Variants in SLIT2 observed in about 807,000 individuals in gnomAD.
The protein encoded by SLIT2 is slit homolog 2 protein.
SLIT2 carries 41 observed loss-of-function variants against 185.7 expected under a neutral mutation model. The ratio of observed to expected loss-of-function variants is 0.22; its 90% CI spans 0.17 to 0.29. SLIT2 has a LOEUF of 0.29. SLIT2 is among the 10% of genes least tolerant of loss of function. SLIT2 has a pLI of 1.00. For missense variants in SLIT2, 1,571 were observed against 1,909.0 expected (o/e 0.82, Z 3.30); for synonymous variants, 693 against 680.2 (o/e 1.02, Z -0.29).
intron 4 of SLIT2, among the ~76,000 whole-genome samples, chr4:20,344,734 A>G (rs1482965386): frequency 6.6e-6 from 1 of 152,208 alleles, no homozygotes; most frequent in African/African-American, 2.4e-5. Flanking sequence ...ACTTAGTCAA[A>G]TATAAGAACT....
chr4:20,468,325 C>T (rs1346633433), intron 5 of SLIT2, among the ~76,000 whole-genome samples: 2 of 152,046 alleles, frequency 1.3e-5, no homozygotes, highest in Non-Finnish European at 2.9e-5. Context: ...AGAGCTACAG[C>T]TTTTTCCAGA....
rs941415305 is a variant in SLIT2, at chr4:20,551,225, T to C, written c.2561+327T>C. 2.6e-5 allele frequency among the ~76,000 whole-genome samples: 4 copies of C among 152,212 alleles called. No homozygotes were observed. In the East Asian group the frequency reaches 7.7e-4, roughly 29 times the overall value. ...TAGAACATCAGCTCCCTTTTAATTA[T>C]CTATCCTAACCCTGCTTTTCTAAGT... On this transcript the variant is annotated intron_variant, in intron 25 of 36. Transcript: ENST00000504154.
intron 21 of SLIT2, among the ~76,000 whole-genome samples, chr4:20,543,871 G>T (rs918156850): frequency 5.3e-5 from 8 of 152,168 alleles, no homozygotes; most frequent in African/African-American, 1.4e-4. Context: ...ATATGTATAT[G>T]TGTGTAATTA....
intron 26 of SLIT2, among the ~76,000 whole-genome samples, chr4:20,561,677 G>T (rs1289453251): frequency 6.6e-6 from 1 of 151,514 alleles, no homozygotes; most frequent in Non-Finnish European, 1.5e-5. Context: ...TACATTTTCA[G>T]ATTTAGTATT....
At chr4:20,406,515 GA>G (rs1726787475) in intron 4 of SLIT2, among the ~76,000 whole-genome samples, 1 of 143,704 alleles carries the variant, frequency 7.0e-6, no homozygotes, top group Non-Finnish European at 1.6e-5. Context: ...CACTCAAAAT[GA>G]GAATATACAA....
chr4:20,610,272 C>A (rs1729112892), intron 34 of SLIT2, 105 bp downstream of exon 34: 5 of 908,760 alleles, frequency 5.5e-6, no homozygotes, highest in Non-Finnish European at 8.0e-6. Context: ...TGTCATTGAC[C>A]AATAGTGATC....
At chr4:20,305,266 A>C (rs566875212) in intron 4 of SLIT2, among the ~76,000 whole-genome samples, 1 of 152,254 alleles carries the variant, frequency 6.6e-6, no homozygotes, top group East Asian at 1.9e-4. Context: ...CCCCACACAG[A>C]CATATATACA....
At chr4:20,272,181 C>T (rs1713694199) in intron 4 of SLIT2, among the ~76,000 whole-genome samples, 1 of 151,004 alleles carries the variant, frequency 6.6e-6, no homozygotes, top group Non-Finnish European at 1.5e-5. Context: ...GCATAAACTA[C>T]AGGACAGTGT....
chr4:20,559,410 G>A (rs1724515938), intron 26 of SLIT2, among the ~76,000 whole-genome samples: 1 of 151,910 alleles, frequency 6.6e-6, no homozygotes, highest in African/African-American at 2.4e-5. Context: ...ATTTTAGAGT[G>A]ATAGGCACTG....
intron 4 of SLIT2, among the ~76,000 whole-genome samples, chr4:20,432,672 T>C (rs1020984019): frequency 6.6e-6 from 1 of 152,136 alleles, no homozygotes; most frequent in African/African-American, 2.4e-5. Flanking sequence ...CACAACGTGA[T>C]GTAAGGGGAA....
intron 18 of SLIT2, 117 bp from the exon 19 acceptor site, chr4:20,539,324 T>C: frequency 2.3e-6 from 2 of 867,206 alleles, no homozygotes; most frequent in Non-Finnish European, 3.6e-6. Context: ...CAAGAGAACA[T>C]TTTTAAAAAG....
intron 3 of SLIT2, among the ~76,000 whole-genome samples, chr4:20,261,210 A>G (rs1712435704): frequency 6.6e-6 from 1 of 151,844 alleles, no homozygotes; most frequent in South Asian, 2.1e-4. Flanking sequence ...AGACTGTATT[A>G]GCAGGTCTCC....
intron 36 of SLIT2, 119 bp from the exon 37 acceptor site, chr4:20,618,649 T>C (rs774100450): frequency 9.6e-7 from 1 of 1,041,328 alleles, no homozygotes; most frequent in East Asian, 2.4e-5. Context: ...GCTAATAATA[T>C]GTAAAGCAAG....
chr4:20,538,108 C>A (rs1355887077), intron 18 of SLIT2, among the ~76,000 whole-genome samples: 1 of 152,130 alleles, frequency 6.6e-6, no homozygotes, highest in African/African-American at 2.4e-5. Flanking sequence ...TACAGGTGCC[C>A]GCCACCACGC....
At chr4:20,538,780 TA>T (rs35129347) in intron 18 of SLIT2, among the ~76,000 whole-genome samples, 1,738 of 121,050 alleles carry the variant, frequency 0.014, 12 homozygotes, top group African/African-American at 0.024. Flanking sequence ...TGACAATGAC[TA>T]AAAAAAAAAA....
At chr4:20,332,231 T>C (rs940194277) in intron 4 of SLIT2, among the ~76,000 whole-genome samples, 2 of 152,134 alleles carry the variant, frequency 1.3e-5, no homozygotes, top group Admixed American at 1.3e-4. Context: ...CACTTTTGCC[T>C]AATTGCCCTG....
intron 4 of SLIT2, among the ~76,000 whole-genome samples, chr4:20,437,840 A>G (rs10015975): frequency 0.74 from 109,663 of 148,962 alleles, 40,725 homozygotes; most frequent in African/African-American, 0.83. Context: ...GCGTGAACCC[A>G]AGAGGCAGAG....
chr4:20,399,468 T>C (rs1425132447), intron 4 of SLIT2, among the ~76,000 whole-genome samples: 1 of 151,706 alleles, frequency 6.6e-6, no homozygotes, highest in South Asian at 2.1e-4. Flanking sequence ...TGGTAACTAC[T>C]TCATAGGTAT....
chr4:20,371,272 C>A (rs1169065930), intron 4 of SLIT2, among the ~76,000 whole-genome samples: 1 of 152,018 alleles, frequency 6.6e-6, no homozygotes, highest in Non-Finnish European at 1.5e-5. Context: ...CACTAACACA[C>A]ACTGGCCTTG....
Sources: gnomAD v4.1 joint callset for allele counts (sites outside exome capture counted in the v4.1 genomes callset) on GRCh38, gnomAD v4.1.1 for gene constraint, MANE v1.5 for transcripts, NCBI Gene and HGNC (gene_info 2026-07-23, HGNC 2026-07-21) for gene names.